ARID2: variants seen among roughly 807,000 people sequenced by gnomAD.
The protein encoded by ARID2 is AT-rich interaction domain 2.
A neutral mutation model predicts 184.6 loss-of-function variants in ARID2; 32 were observed. The observed-to-expected ratio is 0.17, with a 90% CI of 0.13 to 0.23. ARID2 has a LOEUF of 0.23. ARID2 is among the 10% of genes least tolerant of loss of function. ARID2 has a pLI of 1.00. For missense variants in ARID2, 1,696 were observed against 2,197.6 expected (o/e 0.77, Z 4.56); for synonymous variants, 836 against 772.6 (o/e 1.08, Z -1.36).
intron 6 of ARID2, among the ~76,000 whole-genome samples, chr12:45,828,034 A>T (rs761061113): frequency 1.3e-5 from 2 of 152,122 alleles, no homozygotes; most frequent in Non-Finnish European, 2.9e-5. Flanking sequence ...ATTATAACAC[A>T]TACTTAGTGT....
chr12:45,799,185 A>G (rs570868768), intron 3 of ARID2, among the ~76,000 whole-genome samples: 1 of 152,100 alleles, frequency 6.6e-6, no homozygotes, highest in Admixed American at 6.5e-5. Context: ...TGCTTTGTTT[A>G]CACAGTATTC....
At chr12:45,813,171 A>G (rs1942742018) in intron 4 of ARID2, among the ~76,000 whole-genome samples, 2 of 152,166 alleles carry the variant, frequency 1.3e-5, no homozygotes, top group Admixed American at 1.3e-4. Flanking sequence ...TTTTATGTGT[A>G]ACATGTGTAA....
At chr12:45,836,387 T>C (rs947787007) in intron 6 of ARID2, among the ~76,000 whole-genome samples, 1 of 152,052 alleles carries the variant, frequency 6.6e-6, no homozygotes, top group Non-Finnish European at 1.5e-5. Flanking sequence ...TGTTTTAAAT[T>C]TTCTAGTTTG....
intron 3 of ARID2, chr12:45,789,206 A>G (rs1023621892): frequency 6.6e-6 from 1 of 152,206 alleles, no homozygotes; most frequent in African/African-American, 2.4e-5. Context: ...GCCCAGCAGA[A>G]CATCTCTTCC....
chr12:45,786,209 G>A (rs1055961010), intron 3 of ARID2, among the ~76,000 whole-genome samples: 1 of 152,016 alleles, frequency 6.6e-6, no homozygotes, highest in Non-Finnish European at 1.5e-5. Flanking sequence ...AAAAACAAAG[G>A]TAGTAAGTCC....
chr12:45,837,740 T>C lies in ARID2; in HGVS notation c.1330+33T>C, dbSNP rs752395547. The stretch of plus-strand genomic sequence containing the variant: ...TGGACCAAAAAACACTTATTTTCTT[T>C]ATTGAGTAAAAGTGTTTAATATGGT... On this transcript the variant is annotated intron_variant, in intron 10 of 20. Transcript: ENST00000334344. 6.9e-6 allele frequency: 11 copies of C among 1,592,408 alleles called. No homozygotes were observed. In the South Asian group the frequency reaches 1.2e-4, roughly 18 times the overall value.
chr12:45,822,736 G>A (rs1942921819), intron 6 of ARID2, among the ~76,000 whole-genome samples: 1 of 151,964 alleles, frequency 6.6e-6, no homozygotes, highest in African/African-American at 2.4e-5. Flanking sequence ...AGACAAAAAA[G>A]GTAATTATAT....
chr12:45,736,351 CGTCT>C (rs1941121751), intron 3 of ARID2, among the ~76,000 whole-genome samples: 1 of 147,698 alleles, frequency 6.8e-6, no homozygotes, highest in Non-Finnish European at 1.5e-5. Context: ...AGCGAGACTC[CGTCT>C]GAAAAAAAAA....
chr12:45,901,210 G>T (rs1944454282), intron 20 of ARID2, among the ~76,000 whole-genome samples: 1 of 104,540 alleles, frequency 9.6e-6, no homozygotes, highest in Admixed American at 1.5e-4. Context: ...TCGCTCCGTT[G>T]CCCAGGCTGG....
rs575601640 is a variant in ARID2, at chr12:45,783,047, T to TG, written c.285-28371_285-28370insG. 1.2e-4 allele frequency among the ~76,000 whole-genome samples: 18 copies of TG among 151,796 alleles called. No homozygotes were observed. In the East Asian group the frequency reaches 3.5e-3, roughly 29 times the overall value. On this transcript the variant is annotated intron_variant, in intron 3 of 20. Transcript: ENST00000334344. ...TACGGGGGAGGCTGAGGCACGAAAA[T>TG]TGCTTGAACCTGGGAGGCAGAGGTT... is the stretch of plus-strand genomic sequence containing the variant.
At chr12:45,837,730 T>G (rs1261772435) in intron 10 of ARID2, 23 bp downstream of exon 10, 11 of 1,596,650 alleles carry the variant, frequency 6.9e-6, no homozygotes, top group South Asian at 2.2e-5. Flanking sequence ...CAAAAAACAC[T>G]TATTTTCTTT....
In ARID2 at chr12:45,850,400, T is replaced by G; in HGVS notation, c.2277T>G (p.Ser759=). The change falls in exon 15 of 21, where the codon TCT becomes TCG. Residue 759 remains serine (S), a synonymous_variant. Coordinates refer to ENST00000334344, the MANE Select transcript of ARID2 (RefSeq NM_152641.4). The part of the protein sequence containing the change: ...TGPQPVTVVN[S]QTLLHHPSVI... ...CACAACCTGTTACAGTTGTGAATTC[T>G]CAGACATTGCTTCACCATCCATCTG... 1.2e-6 allele frequency: 2 copies of G among 1,614,098 alleles called. No homozygotes were observed. The highest frequency in any genetic ancestry group is 1.7e-6 in the Non-Finnish European group (2 of 1,179,986).
chr12:45,775,587 A>G (rs1356969513), intron 3 of ARID2, among the ~76,000 whole-genome samples: 1 of 152,228 alleles, frequency 6.6e-6, no homozygotes, highest in Non-Finnish European at 1.5e-5. Context: ...ATTACAAAGC[A>G]TTTTAAAGCT....
chr12:45,846,670 G>T (rs1382543381), intron 11 of ARID2, among the ~76,000 whole-genome samples, 186 bp from the exon 12 acceptor site: 1 of 152,088 alleles, frequency 6.6e-6, no homozygotes, highest in East Asian at 1.9e-4. Flanking sequence ...CTCTAAGACA[G>T]TGCCTGGTAT....
At chr12:45,737,947 A>G (rs929065041) in intron 3 of ARID2, among the ~76,000 whole-genome samples, 4 of 152,148 alleles carry the variant, frequency 2.6e-5, no homozygotes, top group Non-Finnish European at 5.9e-5. Context: ...TAGTTAAGGG[A>G]AAAAAAGAGT....
rs771083240 is a variant in ARID2 at position 45,851,234 on chromosome 12, G to A, written c.3111G>A (p.Gln1037=). ...QVQVQQPQQV[Q]MQVQPQQSNA... Reference sequence around the variant, plus strand: ...AAGTTCAGCAGCCCCAACAAGTACAGATGCAAGTTCAACCTCAACAGTCGA... The same window carrying A: ...AAGTTCAGCAGCCCCAACAAGTACAAATGCAAGTTCAACCTCAACAGTCGA... The change falls in exon 15 of 21, where the codon CAG becomes CAA. Residue 1037 remains glutamine, a synonymous_variant. Transcript: ENST00000334344. 11 of 1,614,072 alleles carry A rather than the reference G, an allele frequency of 6.8e-6. No individual in the cohort carries two copies. The highest frequency in any genetic ancestry group is 2.5e-6 in the Non-Finnish European group (3 of 1,180,024).
chr12:45,846,740 T>C, intron 11 of ARID2, 116 bp from the exon 12 acceptor site: 2 of 824,798 alleles, frequency 2.4e-6, no homozygotes, highest in Non-Finnish European at 3.9e-6. Context: ...CATATGTTTA[T>C]ACACCTTTTA....
intron 10 of ARID2, 124 bp from the exon 11 acceptor site, chr12:45,839,205 T>C (rs565316376): frequency 2.1e-6 from 2 of 960,306 alleles, no homozygotes; most frequent in Non-Finnish European, 3.0e-6. Flanking sequence ...AATTCTGATG[T>C]ACTGTGATTC....
At chr12:45,755,261 A>G (rs1202188817) in intron 3 of ARID2, among the ~76,000 whole-genome samples, 1 of 152,218 alleles carries the variant, frequency 6.6e-6, no homozygotes, top group Non-Finnish European at 1.5e-5. Flanking sequence ...TTAGCAGAAC[A>G]CTGTTTTGAT....
Sources: allele counts gnomAD v4.1 joint callset (sites outside exome capture counted in the v4.1 genomes callset), GRCh38; gene constraint gnomAD v4.1.1; transcripts MANE v1.5; gene names NCBI Gene and HGNC (gene_info 2026-07-23, HGNC 2026-07-21).